Variants in DYSF observed in about 807,000 individuals in gnomAD.
DYSF encodes the protein dysferlin.
Under a neutral mutation model 274.9 loss-of-function variants are expected in DYSF, and 212 were observed. The observed-to-expected ratio is 0.77, with a 90% CI of 0.69 to 0.86. The LOEUF (loss-of-function observed/expected upper bound fraction) is 0.86, where lower values mean the gene tolerates loss of function less well. Among genes scored for constraint, DYSF ranks in the 40% least tolerant of loss-of-function variants. The pLI, the probability that DYSF is intolerant of heterozygous loss-of-function variation, is 0.00. For missense variants in DYSF, 2,666 were observed against 2,783.2 expected, an observed-to-expected ratio of 0.96 and a Z score of 0.95; for synonymous variants, 1,091 against 1,078.7, an observed-to-expected ratio of 1.01 and a Z score of -0.22.
At chr2:71,570,965 TAC>T (rs1291968047) in intron 29 of DYSF, 4 of 523,706 alleles carry the variant, frequency 7.6e-6, no homozygotes, top group Non-Finnish European at 1.3e-5. Flanking sequence ...ACACCCAGCA[TAC>T]ACACAGATCA....
intron 36 of DYSF, among the ~76,000 whole-genome samples, chr2:71,609,470 AC>A (rs112037872): frequency 0.062 from 9,479 of 152,242 alleles, 915 homozygotes; most frequent in African/African-American, 0.21. Context: ...AATGGCAAAA[AC>A]AATGGTACTA....
At chr2:71,616,721 A>G (rs1170951320) in intron 40 of DYSF, among the ~76,000 whole-genome samples, 1 of 152,232 alleles carries the variant, frequency 6.6e-6, no homozygotes, top group Non-Finnish European at 1.5e-5. Flanking sequence ...TTCATTATAT[A>G]AAATTTGGAA....
At chr2:71,505,390 A>C (rs1255873655) in intron 4 of DYSF, among the ~76,000 whole-genome samples, 2 of 152,160 alleles carry the variant, frequency 1.3e-5, no homozygotes, top group East Asian at 1.9e-4. Context: ...AGGTGCCCCC[A>C]TTTCATTGTA....
chr2:71,518,642 G>C (rs2086904862), intron 10 of DYSF, among the ~76,000 whole-genome samples: 1 of 152,076 alleles, frequency 6.6e-6, no homozygotes, highest in South Asian at 2.1e-4. Flanking sequence ...TTCTCAAAAG[G>C]AAAGAAAGAG....
chr2:71,581,770 A>G (rs2092905325), intron 30 of DYSF, among the ~76,000 whole-genome samples: 1 of 152,206 alleles, frequency 6.6e-6, no homozygotes, highest in African/African-American at 2.4e-5. Flanking sequence ...AAAACACAAC[A>G]AAAATAATAA....
chr2:71,487,102 C>G (rs1223981668), intron 3 of DYSF, among the ~76,000 whole-genome samples: 4 of 152,200 alleles, frequency 2.6e-5, no homozygotes, highest in Non-Finnish European at 5.9e-5. Flanking sequence ...CATTGCGCAG[C>G]CTGGGCTGAG....
chr2:71,681,958 C>T (rs2095301987), intron 54 of DYSF, among the ~76,000 whole-genome samples: 1 of 152,216 alleles, frequency 6.6e-6, no homozygotes, highest in Non-Finnish European at 1.5e-5. Flanking sequence ...CACCAGTGTG[C>T]AATCTGATGT....
intron 36 of DYSF, chr2:71,610,632 T>A (rs2093735743): frequency 6.1e-6 from 1 of 163,924 alleles, no homozygotes; most frequent in African/African-American, 2.4e-5. Context: ...CAGTGTGCTT[T>A]GGTGCTCTGG....
intron 22 of DYSF, among the ~76,000 whole-genome samples, chr2:71,561,353 G>T (rs565719611): frequency 6.6e-6 from 1 of 152,178 alleles, no homozygotes. Flanking sequence ...GGCACTCAGC[G>T]CTGGAGCCTC....
At chr2:71,544,244 G>C (rs2090274847) in intron 17 of DYSF, among the ~76,000 whole-genome samples, 1 of 152,022 alleles carries the variant, frequency 6.6e-6, no homozygotes, top group Non-Finnish European at 1.5e-5. Flanking sequence ...TTCAGTGTTG[G>C]TATCTCTCAC....
intron 5 of DYSF, 111 bp downstream of exon 5, chr2:71,512,032 C>T: frequency 1.3e-6 from 1 of 758,182 alleles, no homozygotes; most frequent in African/African-American, 1.7e-5. Context: ...CTGCCCTCCC[C>T]AGGTTGGAGG....
At chr2:71,604,157 G>C (rs552019886) in intron 36 of DYSF, among the ~76,000 whole-genome samples, 1 of 152,208 alleles carries the variant, frequency 6.6e-6, no homozygotes, top group African/African-American at 2.4e-5. Flanking sequence ...TGAATGATCT[G>C]CTGGTCCAGG....
intron 49 of DYSF, 116 bp from the exon 50 acceptor site, chr2:71,668,996 G>C: frequency 1.6e-6 from 2 of 1,286,804 alleles, no homozygotes; most frequent in Non-Finnish European, 2.2e-6. Context: ...CCAGTGTCCA[G>C]CCAGGCAGGC....
chr2:71,570,946 C>T, intron 29 of DYSF: 1 of 617,520 alleles, frequency 1.6e-6, no homozygotes, highest in Non-Finnish European at 2.6e-6. Flanking sequence ...CCCAGCATAC[C>T]CAAAGATCAC....
At chr2:71,513,439 C>T in intron 6 of DYSF, 107 bp downstream of exon 6, 4 of 1,222,848 alleles carry the variant, frequency 3.3e-6, no homozygotes, top group Non-Finnish European at 4.6e-6. Context: ...GAGGACTCCT[C>T]CTGCAGGACT....
At chr2:71,460,723 G>T (rs1480836974) in intron 1 of DYSF, among the ~76,000 whole-genome samples, 2 of 152,074 alleles carry the variant, frequency 1.3e-5, no homozygotes, top group Non-Finnish European at 2.9e-5. Flanking sequence ...ATCACCAGCA[G>T]TTGCTTTTCT....
chr2:71,589,789 G>T, intron 31 of DYSF, 103 bp downstream of exon 31: 1 of 1,179,690 alleles, frequency 8.5e-7, no homozygotes, highest in Non-Finnish European at 1.3e-6. Context: ...GGGCTCTGGG[G>T]AGCTGAGTCT....
At chr2:71,669,503 A>T in intron 50 of DYSF, 102 bp from the exon 51 acceptor site, 2 of 1,433,002 alleles carry the variant, frequency 1.4e-6, no homozygotes, top group South Asian at 2.3e-5. Context: ...TTTTGCGATA[A>T]GCTCATTTAC....
rs574044874 is a variant in DYSF at position 71,503,587 on chromosome 2, C to T, written c.345+268C>T. ...GGCCTGCCCCTTGGTCTGGTGCTGCCGGTCTGGCCACCTCCTGTCCCCAGC... is the reference window on the plus strand; with the variant it reads ...GGCCTGCCCCTTGGTCTGGTGCTGCTGGTCTGGCCACCTCCTGTCCCCAGC... On this transcript the variant is annotated intron_variant, in intron 4 of 55. Coordinates refer to ENST00000410020, the MANE Select transcript of DYSF (RefSeq NM_001130987.2). 1.5e-4 allele frequency among the ~76,000 whole-genome samples: 23 copies of T among 152,246 alleles called. No homozygotes were observed. The South Asian group carries it at 2.1e-3, about 14-fold the overall frequency.
Sources: allele counts gnomAD v4.1 joint callset (sites outside exome capture counted in the v4.1 genomes callset), GRCh38; gene constraint gnomAD v4.1.1; transcripts MANE v1.5; gene names NCBI Gene and HGNC (gene_info 2026-07-23, HGNC 2026-07-21).